Variants in ATP11A observed in about 807,000 individuals in gnomAD.
The protein encoded by ATP11A is phospholipid-transporting ATPase IH.
A neutral mutation model predicts 154.4 loss-of-function variants in ATP11A; 81 were observed. The ratio of observed to expected loss-of-function variants is 0.52; its 90% CI spans 0.44 to 0.63. The LOEUF is 0.63. ATP11A is among the 30% of genes least tolerant of loss of function. The pLI, the probability that ATP11A is intolerant of heterozygous loss-of-function variation, is 0.00. For missense variants in ATP11A, 1,316 were observed against 1,474.3 expected, an observed-to-expected ratio of 0.89 and a Z score of 1.76; for synonymous variants, 623 against 585.9, an observed-to-expected ratio of 1.06 and a Z score of -0.91.
chr13:112,861,992 T>TCAGGCATAAGGTGTCACAG (rs2080117516), intron 24 of ATP11A, among the ~76,000 whole-genome samples: 1 of 150,580 alleles, frequency 6.6e-6, no homozygotes, highest in East Asian at 2.0e-4. Context: ...AGGTGTCACG[T>TCAGGCATAAGGTGTCACAG]CAGGCGTAAG....
At position 112,875,395 on chromosome 13, in the gene ATP11A, G is replaced by T. The variant is rs868540713; in HGVS notation, c.3162-381G>T. On this transcript the variant is annotated intron_variant, in intron 27 of 29. Transcript: ENST00000375645. This position sits in a 1 kb window ranked among gnomAD's most constrained non-coding sequence, Gnocchi z 4.1. ...TTTCTGGGGAGAGAAGTCATTGCTT[G>T]CTCTGTACTGACGACCAGTGCTCGG... 1.3e-5 allele frequency among the ~76,000 whole-genome samples: 2 copies of T among 152,086 alleles called. No homozygotes were observed. The highest frequency in any genetic ancestry group is 6.5e-5 in the Admixed American group (1 of 15,268).
intron 28 of ATP11A, among the ~76,000 whole-genome samples, chr13:112,876,520 A>G (rs1566606193): frequency 1.3e-5 from 2 of 152,196 alleles, no homozygotes; most frequent in South Asian, 4.1e-4. Flanking sequence ...AATCAGAGGC[A>G]GTGACCACGA....
rs150694189 is a variant in ATP11A, at chr13:112,852,379, G to A, written c.1991+1161G>A. On this transcript the variant is annotated intron_variant, in intron 18 of 29. Coordinates refer to ENST00000375645, the MANE Select transcript of ATP11A (RefSeq NM_015205.3). ...TCCTTGAGTTCTCGATCTGAATGGA[G>A]TATTAGGCGAAGTGGGAAGTTTTGG... 3.2e-3 allele frequency among the ~76,000 whole-genome samples: 486 copies of A among 152,342 alleles called. 1 individual carries two copies. Among genetic ancestry groups the A allele is most frequent in the African/African-American group, 7.7e-3 (321 of 41,572 alleles).
At chr13:112,786,848 G>A (rs150352381) in intron 2 of ATP11A, among the ~76,000 whole-genome samples, 2 of 152,258 alleles carry the variant, frequency 1.3e-5, no homozygotes, top group Non-Finnish European at 2.9e-5. Flanking sequence ...AACTTCTGTG[G>A]AGACCTACTT....
chr13:112,728,637 C>T (rs1890155517), intron 1 of ATP11A, among the ~76,000 whole-genome samples: 1 of 150,532 alleles, frequency 6.6e-6, no homozygotes. Flanking sequence ...CCTGTGTTAC[C>T]TGTATGTACC....
At chr13:112,790,445 C>G (rs533112198) in intron 2 of ATP11A, among the ~76,000 whole-genome samples, 4 of 149,312 alleles carry the variant, frequency 2.7e-5, no homozygotes, top group Non-Finnish European at 4.5e-5. Context: ...TAATTCACAC[C>G]GGGTATTCTG....
chr13:112,841,049 G>T (rs142462156), intron 16 of ATP11A, among the ~76,000 whole-genome samples: 1 of 152,260 alleles, frequency 6.6e-6, no homozygotes, highest in Non-Finnish European at 1.5e-5. Context: ...CCACCCTGCC[G>T]TCACCGCGCC....
chr13:112,878,577 C>A lies in ATP11A; in HGVS notation c.*9+274C>A, dbSNP rs114334394. ...CACCTGTGTGAGGGTTCAGACACAGCTGACAGCGGAGAGCTGGCCACATGA... is the reference window on the plus strand; with the variant it reads ...CACCTGTGTGAGGGTTCAGACACAGATGACAGCGGAGAGCTGGCCACATGA... On this transcript the variant is annotated intron_variant, in intron 29 of 29. Transcript: ENST00000375645. 3.3e-3 allele frequency: 1,726 copies of A among 529,656 alleles called. 22 individuals carry two copies. The highest frequency in any genetic ancestry group is 0.028 in the African/African-American group (1,486 of 52,676). The allele number at this position is 529,656 out of a possible 1,614,324, so 32.8% of individuals were successfully genotyped here. A position where few individuals can be genotyped will look rare whatever the true frequency, so the allele number is the denominator to read the frequency against.
intron 1 of ATP11A, among the ~76,000 whole-genome samples, chr13:112,726,159 G>T (rs1889861799): frequency 6.6e-6 from 1 of 152,248 alleles, no homozygotes; most frequent in Non-Finnish European, 1.5e-5. Context: ...GTGCGTGCAG[G>T]GAGAGGGGCC....
chr13:112,824,919 TCTG>T (rs2078893670), intron 10 of ATP11A, among the ~76,000 whole-genome samples: 1 of 152,252 alleles, frequency 6.6e-6, no homozygotes, highest in African/African-American at 2.4e-5. Flanking sequence ...CTTCCTGAGA[TCTG>T]CTAAGACCTT....
In ATP11A at chr13:112,859,812, G is replaced by A. The variant is rs1462497001; in HGVS notation, c.2727+360G>A. ...GTCCTTGTGGACATGGGCCACCCCG[G>A]TGCCTGGCACGTTAACACATGCAAC... On this transcript the variant is annotated intron_variant, in intron 23 of 29. Transcript: ENST00000375645. This position sits in a 1 kb window ranked among gnomAD's most constrained non-coding sequence, Gnocchi z 4.3. Among the ~76,000 whole-genome samples the A allele has an allele frequency of 6.6e-6, 1 of 152,236 alleles. No homozygotes were observed. Among genetic ancestry groups the A allele is most frequent in the Non-Finnish European group, 1.5e-5 (1 of 68,046 alleles).
intron 1 of ATP11A, among the ~76,000 whole-genome samples, chr13:112,775,720 C>CT (rs397951127): frequency 1.3e-5 from 2 of 152,130 alleles, no homozygotes; most frequent in Admixed American, 6.5e-5. Context: ...ATGCCCCCCC[C>CT]GCCTGTAAGT....
chr13:112,825,644 G>C (rs573407405), intron 11 of ATP11A, 64 bp downstream of exon 11: 1 of 1,512,086 alleles, frequency 6.6e-7, no homozygotes, highest in South Asian at 1.3e-5. Flanking sequence ...ACGAAAATGT[G>C]GTGCAAGAAA....
chr13:112,753,867 T>C lies in ATP11A; in HGVS notation c.40-31268T>C, dbSNP rs2076755151. On this transcript the variant is annotated intron_variant, in intron 1 of 29. Transcript: ENST00000375645. This position sits in a 1 kb window ranked among gnomAD's most constrained non-coding sequence, Gnocchi z 4.1. ...GAAGCGCTTTTTCCAAAATGCAATG[T>C]AGAGTTATTTAAATTTAAAAACATG... Among the ~76,000 whole-genome samples the C allele has an allele frequency of 6.6e-6, 1 of 152,224 alleles. No homozygotes were observed. The highest frequency in any genetic ancestry group is 2.4e-5 in the African/African-American group (1 of 41,444).
At chr13:112,826,079 G>A (rs1403123663) in intron 11 of ATP11A, among the ~76,000 whole-genome samples, 1 of 151,796 alleles carries the variant, frequency 6.6e-6, no homozygotes, top group African/African-American at 2.4e-5. Context: ...CCTATAGCAG[G>A]GCCGTGTGCA....
rs2080894982 is a variant in ATP11A at position 112,881,882 on chromosome 13, G to C, written c.*16G>C. ...CCCTCTTGCCTCTCTGCAGAGCCCAGGCTACCAGAGCACCTGTCCCTCGGC... is the reference window on the plus strand; with the variant it reads ...CCCTCTTGCCTCTCTGCAGAGCCCACGCTACCAGAGCACCTGTCCCTCGGC... On this transcript the variant is annotated 3_prime_UTR_variant, in exon 30 of 30. Coordinates refer to ENST00000375645, the MANE Select transcript of ATP11A (RefSeq NM_015205.3). The C allele has an allele frequency of 8.0e-6, 11 of 1,367,420 alleles. No homozygotes were observed. The highest frequency in any genetic ancestry group is 9.8e-6 in the Non-Finnish European group (10 of 1,021,974). The allele number at this position is 1,367,420 out of a possible 1,614,324, so 84.7% of individuals were successfully genotyped here.
At chr13:112,843,759 C>T (rs148918246) in intron 17 of ATP11A, among the ~76,000 whole-genome samples, 128 of 152,334 alleles carry the variant, frequency 8.4e-4, no homozygotes, top group African/African-American at 2.9e-3. Flanking sequence ...CCCTTTCGCT[C>T]GCGAGCCCGT....
chr13:112,786,620 G>A (rs1345939202), intron 2 of ATP11A, among the ~76,000 whole-genome samples: 2 of 124,704 alleles, frequency 1.6e-5, no homozygotes, highest in South Asian at 2.7e-4. Context: ...ACGCGTGGAC[G>A]GGCTGCACAT....
At chr13:112,840,454 T>A (rs1268635674) in intron 16 of ATP11A, among the ~76,000 whole-genome samples, 1 of 8,250 alleles carries the variant, frequency 1.2e-4, no homozygotes. Flanking sequence ...CATTCTCTCA[T>A]CCCCCCCCAG....
Sources: allele counts gnomAD v4.1 joint callset (sites outside exome capture counted in the v4.1 genomes callset), GRCh38; gene constraint gnomAD v4.1.1; non-coding constraint Gnocchi (gnomAD v3.1); transcripts MANE v1.5; gene names NCBI Gene and HGNC (gene_info 2026-07-23, HGNC 2026-07-21).